Variants in KCNIP4 observed in about 807,000 individuals in gnomAD.
KCNIP4 encodes the protein potassium voltage-gated channel interacting protein 4, also known as Kv channel-interacting protein 4.
Under a neutral mutation model 34.0 loss-of-function variants are expected in KCNIP4, and 12 were observed. The observed-to-expected ratio is 0.35, with a 90% CI of 0.23 to 0.57. KCNIP4 has a LOEUF of 0.57. Ranked by LOEUF, KCNIP4 falls within the 20% of genes least tolerant of loss-of-function variation. The pLI is 0.83. For missense variants in KCNIP4, 238 were observed against 311.7 expected (o/e 0.76, Z 1.78); for synonymous variants, 124 against 102.2 (o/e 1.21, Z -1.29).
intron 1 of KCNIP4, among the ~76,000 whole-genome samples, chr4:20,899,005 A>C (rs1260463767): frequency 6.6e-6 from 1 of 152,218 alleles, no homozygotes; most frequent in East Asian, 1.9e-4. Flanking sequence ...CTAAAGATTC[A>C]AACTTATTGC....
At chr4:21,240,511 T>C (rs1485153779) in intron 1 of KCNIP4, among the ~76,000 whole-genome samples, 1 of 152,184 alleles carries the variant, frequency 6.6e-6, no homozygotes, top group Non-Finnish European at 1.5e-5. Context: ...AAATCCAGTC[T>C]CATCAGCAAG....
chr4:21,594,345 A>C (rs1742455137), intron 1 of KCNIP4, among the ~76,000 whole-genome samples: 1 of 152,188 alleles, frequency 6.6e-6, no homozygotes, highest in South Asian at 2.1e-4. Flanking sequence ...CAACAAAAGC[A>C]ACCAACGACA....
At chr4:20,994,944 A>G (rs1481484120) in intron 1 of KCNIP4, among the ~76,000 whole-genome samples, 2 of 152,208 alleles carry the variant, frequency 1.3e-5, no homozygotes, top group Non-Finnish European at 2.9e-5. Flanking sequence ...GCCATAAGAC[A>G]CTTTCTCCTA....
At chr4:20,779,718 GC>G (rs1479526587) in intron 3 of KCNIP4, among the ~76,000 whole-genome samples, 1 of 152,036 alleles carries the variant, frequency 6.6e-6, no homozygotes, top group East Asian at 1.9e-4. Flanking sequence ...CAGGAGAGAG[GC>G]AGAGAGATGT....
At chr4:21,712,838 T>C (rs757472681) in intron 1 of KCNIP4, among the ~76,000 whole-genome samples, 2 of 152,208 alleles carry the variant, frequency 1.3e-5, no homozygotes, top group Non-Finnish European at 2.9e-5. Flanking sequence ...ATTGCCCTCC[T>C]TTTTATTTCT....
chr4:21,184,316 T>C (rs1755054269), intron 1 of KCNIP4, among the ~76,000 whole-genome samples: 1 of 152,178 alleles, frequency 6.6e-6, no homozygotes, highest in African/African-American at 2.4e-5. Flanking sequence ...GTCTTTTACA[T>C]TAGAATAACA....
chr4:21,751,907 G>A (rs974750906), intron 1 of KCNIP4, among the ~76,000 whole-genome samples: 8 of 152,114 alleles, frequency 5.3e-5, no homozygotes, highest in East Asian at 3.9e-4. Context: ...AGGAAAAGAA[G>A]TTCAAATAAA....
chr4:20,920,280 C>T lies in KCNIP4; in HGVS notation c.62-37571G>A, dbSNP rs189855463. Among the ~76,000 whole-genome samples, 283 of 152,204 alleles carry T rather than the reference C, an allele frequency of 1.9e-3. 3 individuals carry two copies. The highest frequency in any genetic ancestry group is 4.4e-3 in the African/African-American group (184 of 41,546). ...AGGCTAAATGACTCACTGAACAATT[C>T]CTGGACAGCCCTGCCGATATGGACT... On this transcript the variant is annotated intron_variant, in intron 1 of 8. Coordinates refer to ENST00000382152, the MANE Select transcript of KCNIP4 (RefSeq NM_025221.6).
chr4:21,006,580 C>T (rs1361027127), intron 1 of KCNIP4, among the ~76,000 whole-genome samples: 1 of 152,156 alleles, frequency 6.6e-6, no homozygotes, highest in Admixed American at 6.5e-5. Flanking sequence ...TGTTGTTATA[C>T]ATCAAGAGCT....
intron 1 of KCNIP4, among the ~76,000 whole-genome samples, chr4:21,638,902 A>G (rs1746412314): frequency 1.3e-5 from 2 of 152,208 alleles, no homozygotes; most frequent in Non-Finnish European, 2.9e-5. Flanking sequence ...CTAATAAGGT[A>G]TCCAGGTGTG....
rs542105990 is a variant in KCNIP4 at position 21,252,893 on chromosome 4, C to T, written c.62-370184G>A. On this transcript the variant is annotated intron_variant, in intron 1 of 8. Coordinates refer to ENST00000382152, the MANE Select transcript of KCNIP4 (RefSeq NM_025221.6). ...CCCATCCTAAAAGATAAGCACTGAG[C>T]ACATCACACTTAACCTCTCAGCATT... 2.0e-5 allele frequency among the ~76,000 whole-genome samples: 3 copies of T among 151,998 alleles called. No individual in the cohort carries two copies. The East Asian group carries it at 5.8e-4, about 30-fold the overall frequency.
chr4:21,911,649 CACACACAG>C (rs1728337781), intron 1 of KCNIP4, among the ~76,000 whole-genome samples: 1 of 108,580 alleles, frequency 9.2e-6, no homozygotes. Context: ...CACACACACA[CACACACAG>C]AGTCTGGTAT....
intron 1 of KCNIP4, among the ~76,000 whole-genome samples, chr4:21,248,124 G>A (rs183052775): frequency 8.1e-4 from 122 of 151,236 alleles, no homozygotes; most frequent in African/African-American, 2.8e-3. Context: ...AATAATATAA[G>A]TGGTAAGGGC....
chr4:21,770,615 C>T (rs961923744), intron 1 of KCNIP4, among the ~76,000 whole-genome samples: 4 of 151,918 alleles, frequency 2.6e-5, no homozygotes, highest in Admixed American at 6.6e-5. Context: ...TCGTCAGCAT[C>T]GTTTCCTGAC....
chr4:21,280,002 C>T (rs1238329081), intron 1 of KCNIP4, among the ~76,000 whole-genome samples: 2 of 152,146 alleles, frequency 1.3e-5, no homozygotes, highest in Non-Finnish European at 1.5e-5. Flanking sequence ...TGCCACATTC[C>T]TCTTTATTAT....
At chr4:21,380,839 G>C (rs1446944594) in intron 1 of KCNIP4, among the ~76,000 whole-genome samples, 5 of 149,616 alleles carry the variant, frequency 3.3e-5, no homozygotes, top group Admixed American at 1.3e-4. Flanking sequence ...TTCCATTGGT[G>C]ACACACACAC....
chr4:21,022,629 A>G (rs1740172516), intron 1 of KCNIP4, among the ~76,000 whole-genome samples: 1 of 152,220 alleles, frequency 6.6e-6, no homozygotes, highest in Non-Finnish European at 1.5e-5. Flanking sequence ...TTTCTGATGC[A>G]TGCCAGAAAT....
chr4:21,563,810 C>T (rs1278798563), intron 1 of KCNIP4, among the ~76,000 whole-genome samples: 1 of 151,950 alleles, frequency 6.6e-6, no homozygotes, highest in Non-Finnish European at 1.5e-5. Flanking sequence ...GGACCTGGAT[C>T]TCAGATGAGA....
At position 21,223,231 on chromosome 4, in the gene KCNIP4, G is replaced by T. The variant is rs757524105; in HGVS notation, c.62-340522C>A. Among the ~76,000 whole-genome samples the T allele has an allele frequency of 3.3e-4, 51 of 152,278 alleles. 1 individual carries two copies. The highest frequency in any genetic ancestry group is 3.4e-3 in the Middle Eastern group (1 of 294). ...GGAAGCAGAGAGAGAGCAAGATACT[G>T]GAAGGGGCCATGCTGCTGACTTTGA... On this transcript the variant is annotated intron_variant, in intron 1 of 8. Transcript: ENST00000382152.
Sources: gnomAD v4.1 joint callset for allele counts (sites outside exome capture counted in the v4.1 genomes callset) on GRCh38, gnomAD v4.1.1 for gene constraint, MANE v1.5 for transcripts, NCBI Gene and HGNC (gene_info 2026-07-23, HGNC 2026-07-21) for gene names.